GLUD1: variants seen among roughly 807,000 people sequenced by gnomAD.
GLUD1 encodes glutamate dehydrogenase 1.
A neutral mutation model predicts 56.0 loss-of-function variants in GLUD1; 22 were observed. The observed-to-expected ratio is 0.39, with a 90% CI of 0.28 to 0.56. The LOEUF is 0.56. Ranked by LOEUF, GLUD1 falls within the 20% of genes least tolerant of loss-of-function variation. The pLI, the probability that GLUD1 is intolerant of heterozygous loss-of-function variation, is 0.58. For missense variants in GLUD1, 451 were observed against 732.0 expected, an observed-to-expected ratio of 0.62 and a Z score of 4.43; for synonymous variants, 223 against 269.9, an observed-to-expected ratio of 0.83 and a Z score of 1.70.
At position 87,080,408 on chromosome 10, in the gene GLUD1, G is replaced by A. The variant is rs565601004; in HGVS notation, c.446-3752C>T. 3.0e-3 allele frequency among the ~76,000 whole-genome samples: 461 copies of A among 151,628 alleles called. 3 individuals are homozygous for A. Among genetic ancestry groups the A allele is most frequent in the African/African-American group, 0.011 (442 of 41,322 alleles). ...CTCTGCCTGGCCGCCCATCGTCTGA[G>A]ATGTGAGGAGCCCCTCTGCCTGGCT... On this transcript the variant is annotated intron_variant, in intron 1 of 12. Transcript: ENST00000277865.
rs1179018845 is a variant in GLUD1 at position 87,050,746 on chromosome 10, A to C, written c.*1005T>G. 2.6e-5 allele frequency: 4 copies of C among 152,238 alleles called. No homozygotes were observed. The highest frequency in any genetic ancestry group is 5.9e-5 in the Non-Finnish European group (4 of 68,048). 9.4% of individuals were successfully genotyped at this position (152,238 alleles called of 1,614,324 possible). On this transcript the variant is annotated 3_prime_UTR_variant, in exon 13 of 13. Coordinates refer to ENST00000277865, the MANE Select transcript of GLUD1 (RefSeq NM_005271.5). Reference sequence around the variant, plus strand: ...TGGGTGCAGAATGCAAAGCCTCTAAAAGGAGAGGATACAAAGTCAGGTGAG... The same window carrying C: ...TGGGTGCAGAATGCAAAGCCTCTAACAGGAGAGGATACAAAGTCAGGTGAG...
At chr10:87,053,118 T>A (rs1034022538) in intron 12 of GLUD1, among the ~76,000 whole-genome samples, 1 of 152,192 alleles carries the variant, frequency 6.6e-6, no homozygotes, top group African/African-American at 2.4e-5. Context: ...ACCTCCTAAA[T>A]CAGCCTTATT....
At position 87,050,617 on chromosome 10, in the gene GLUD1, A is replaced by G. The variant is rs1284492877; in HGVS notation, c.*1134T>C. The G allele has an allele frequency of 6.6e-6, 1 of 152,052 alleles. No homozygotes were observed. The highest frequency in any genetic ancestry group is 2.4e-5 in the African/African-American group (1 of 41,410). 9.4% of individuals were successfully genotyped at this position (152,052 alleles called of 1,614,324 possible). A position where few individuals can be genotyped will look rare whatever the true frequency, so the allele number is the denominator to read the frequency against. ...AAAAGCTGACTCTTACACATATATTATCTAGCACTTCATGGGGACACTACT... is the reference window on the plus strand; with the variant it reads ...AAAAGCTGACTCTTACACATATATTGTCTAGCACTTCATGGGGACACTACT... On this transcript the variant is annotated 3_prime_UTR_variant, in exon 13 of 13. Coordinates refer to ENST00000277865, the MANE Select transcript of GLUD1 (RefSeq NM_005271.5).
chr10:87,079,990 G>A (rs572014875), intron 1 of GLUD1, among the ~76,000 whole-genome samples: 12 of 144,766 alleles, frequency 8.3e-5, no homozygotes, highest in Admixed American at 4.9e-4. Context: ...GATGCCGAGC[G>A]GAAGCTGGAC....
rs1845621291 is a variant in GLUD1, at chr10:87,051,145, C to A, written c.*606G>T. On this transcript the variant is annotated 3_prime_UTR_variant, in exon 13 of 13. Transcript: ENST00000277865. ...TTCTATAGGCATTCACTGTTTGAGT[C>A]AAGGTTAGGCTTGTTAAGTGATTAA... is the stretch of plus-strand genomic sequence containing the variant. The A allele has an allele frequency of 5.9e-6, 1 of 168,812 alleles. No homozygotes were observed. Among genetic ancestry groups the A allele is most frequent in the Non-Finnish European group, 1.4e-5 (1 of 69,830 alleles). 10.5% of individuals were successfully genotyped at this position (168,812 alleles called of 1,614,324 possible).
chr10:87,063,005 C>CT (rs1368259175), intron 5 of GLUD1, among the ~76,000 whole-genome samples, 170 bp from the exon 6 acceptor site: 7 of 151,766 alleles, frequency 4.6e-5, no homozygotes, highest in Non-Finnish European at 7.4e-5. Context: ...ACAAGACTCA[C>CT]TTTTTCAGCT....
Position 87,094,110 on chromosome 10 carries a change from G to A in GLUD1, c.445+215C>T, listed in dbSNP as rs566504705. ...TACAGAGGCCCGGGGTGACGGCGCG[G>A]GGGAGGGGGCAGGCCAATCGCATGA... On this transcript the variant is annotated intron_variant, in intron 1 of 12. Transcript: ENST00000277865. The surrounding 1 kb of genome is among the most constrained non-coding windows in gnomAD (Gnocchi z 6.6). The A allele has an allele frequency of 8.1e-5, 121 of 1,501,524 alleles. 1 individual carries two copies. The East Asian group carries it at 2.6e-3, about 32-fold the overall frequency. 93.0% of individuals were successfully genotyped at this position (1,501,524 alleles called of 1,614,324 possible).
chr10:87,079,951 C>T (rs1173056213), intron 1 of GLUD1, among the ~76,000 whole-genome samples: 3 of 134,004 alleles, frequency 2.2e-5, no homozygotes, highest in African/African-American at 6.5e-5. Flanking sequence ...CCTCTCCCCA[C>T]GGTCTCCCTC....
chr10:87,085,683 C>A (rs1841365929), intron 1 of GLUD1, among the ~76,000 whole-genome samples: 1 of 152,286 alleles, frequency 6.6e-6, no homozygotes, highest in Middle Eastern at 3.4e-3. Context: ...CCACTTATGA[C>A]CCCAGTCTTC....
chr10:87,088,063 A>G (rs1054204397), intron 1 of GLUD1, among the ~76,000 whole-genome samples: 9 of 152,094 alleles, frequency 5.9e-5, no homozygotes, highest in African/African-American at 2.2e-4. Context: ...CCTGGGCAAC[A>G]AGAGCAAAAC....
rs926613764 is a variant in GLUD1, at chr10:87,050,993, T to C, written c.*758A>G. On this transcript the variant is annotated 3_prime_UTR_variant, in exon 13 of 13. Coordinates refer to ENST00000277865, the MANE Select transcript of GLUD1 (RefSeq NM_005271.5). ...GTTTTAATGAAAATAGCCTCCACCATTTTGCAGGTATGAAGATAACTTAAT... is the reference window on the plus strand; with the variant it reads ...GTTTTAATGAAAATAGCCTCCACCACTTTGCAGGTATGAAGATAACTTAAT... 6.5e-6 allele frequency: 1 copy of C among 153,614 alleles called. No homozygotes were observed. The highest frequency in any genetic ancestry group is 1.9e-4 in the East Asian group (1 of 5,204). The allele number at this position is 153,614 out of a possible 1,614,324, so 9.5% of individuals were successfully genotyped here.
Position 87,060,753 on chromosome 10 carries a change from T to A in GLUD1, c.1132A>T (p.Ile378Leu). Residue 378 changes from isoleucine to leucine, a missense_variant, in exon 8 of 13, where the codon ATA becomes TTA. Around this residue, in one of 4 missense-constraint regions of GLUD1, gnomAD observed 248 missense variants for 460.0 expected, o/e 0.54. Coordinates refer to ENST00000277865, the MANE Select transcript of GLUD1 (RefSeq NM_005271.5). ...EGSILEADCD[I>L]LIPAASEKQL... ...TTCTCACTGGCAGCTGGGATCAGTATGTCACAGTCGGCCTCCAAGATGCTT... is the reference window on the plus strand; with the variant it reads ...TTCTCACTGGCAGCTGGGATCAGTAAGTCACAGTCGGCCTCCAAGATGCTT... 1 of 1,614,202 alleles carries A rather than the reference T, an allele frequency of 6.2e-7. No individual in the cohort carries two copies.
chr10:87,065,272 CAAAAAAAAAAAAAAAAAAA>C (rs59540767), intron 5 of GLUD1, among the ~76,000 whole-genome samples: 4 of 60,818 alleles, frequency 6.6e-5, no homozygotes, highest in Non-Finnish European at 1.3e-4. Flanking sequence ...GACTCCGTCT[CAAAAAAAAAAAAAAAAAAA>C]AAAAAAAATA....
Position 87,094,747 on chromosome 10 carries a change from G to T in GLUD1, c.23C>A (p.Ala8Glu), listed in dbSNP as rs772562154. The change falls in exon 1 of 13, where the codon GCG becomes GAG. Residue 8 changes from alanine to glutamate, a missense_variant. By Grantham distance (107) the Ala-to-Glu change is moderately radical. Coordinates refer to ENST00000277865, the MANE Select transcript of GLUD1 (RefSeq NM_005271.5). The surrounding 1 kb of genome is among the most constrained non-coding windows in gnomAD (Gnocchi z 6.6). ...GGGCCCGGCCCGGGACAGCAACAGC[G>T]CTTCGCCCAGGTAGCGGTACATGGC... MYRYLGE[A>E]LLLSRAGPAA... The T allele has an allele frequency of 6.5e-7, 1 of 1,533,328 alleles. No individual in the cohort carries two copies. Among genetic ancestry groups the T allele is most frequent in the Non-Finnish European group, 8.8e-7 (1 of 1,138,370 alleles). The allele number at this position is 1,533,328 out of a possible 1,614,324, so 95.0% of individuals were successfully genotyped here.
chr10:87,080,082 C>A (rs1428307663), intron 1 of GLUD1, among the ~76,000 whole-genome samples: 3 of 151,784 alleles, frequency 2.0e-5, no homozygotes, highest in Non-Finnish European at 4.4e-5. Flanking sequence ...CGATTGCAGG[C>A]GCGCGCCGCC....
In GLUD1 at chr10:87,094,212, C is replaced by A. The variant is rs1372902798; in HGVS notation, c.445+113G>T. Reference sequence around the variant, plus strand: ...GGGGTGACCCGGGCGGGGACCCGGCCCGCTCCAGCTGGGCTGGGCTGGGCT... The same window carrying A: ...GGGGTGACCCGGGCGGGGACCCGGCACGCTCCAGCTGGGCTGGGCTGGGCT... On this transcript the variant is annotated intron_variant, in intron 1 of 12. Coordinates refer to ENST00000277865, the MANE Select transcript of GLUD1 (RefSeq NM_005271.5). This position sits in a 1 kb window ranked among gnomAD's most constrained non-coding sequence, Gnocchi z 6.6. 2 of 1,419,794 alleles carry A rather than the reference C, an allele frequency of 1.4e-6. No individual in the cohort carries two copies. Among genetic ancestry groups the A allele is most frequent in the Non-Finnish European group, 1.9e-6 (2 of 1,066,824 alleles). 87.9% of individuals were successfully genotyped at this position (1,419,794 alleles called of 1,614,324 possible).
intron 1 of GLUD1, among the ~76,000 whole-genome samples, chr10:87,093,182 C>T (rs534147515): frequency 6.6e-6 from 1 of 152,272 alleles, no homozygotes; most frequent in Non-Finnish European, 1.5e-5. Context: ...TTCTAAAAAT[C>T]CTCATAAGTC....
chr10:87,091,693 A>T, intron 1 of GLUD1: 1 of 303,214 alleles, frequency 3.3e-6, no homozygotes, highest in Non-Finnish European at 4.9e-6. Context: ...CACATCAGCC[A>T]CCAAGTCTTA....
Position 87,094,595 on chromosome 10 carries a change from C to T in GLUD1, c.175G>A (p.Asp59Asn), listed in dbSNP as rs1841669409. 1 of 1,611,022 alleles carries T rather than the reference C, an allele frequency of 6.2e-7. No homozygotes were observed. Among genetic ancestry groups the T allele is most frequent in the African/African-American group, 1.3e-5 (1 of 74,828 alleles). Residue 59 changes from aspartate (D) to asparagine (N), a missense_variant, in exon 1 of 13, where the codon GAC becomes AAC. Physicochemically the swap from Asp to Asn is conservative, Grantham distance 23. Around this residue, in one of 4 missense-constraint regions of GLUD1, gnomAD observed 158 missense variants for 189.7 expected, o/e 0.83. Transcript: ENST00000277865. This position sits in a 1 kb window ranked among gnomAD's most constrained non-coding sequence, Gnocchi z 6.6. The part of the protein sequence containing the change: ...ARRHYSEAVA[D>N]REDDPNFFKM... ...AAGAAGTTGGGGTCGTCCTCGCGGT[C>T]GGCCACCGCCTCGCTGTAGTGGCGC...
Sources: allele counts gnomAD v4.1 joint callset (sites outside exome capture counted in the v4.1 genomes callset), GRCh38; gene constraint gnomAD v4.1.1; regional missense constraint gnomAD v4.1.1; non-coding constraint Gnocchi (gnomAD v3.1); transcripts MANE v1.5; gene names NCBI Gene and HGNC (gene_info 2026-07-23, HGNC 2026-07-21).